The following KIF1B variants were observed in gnomAD, a reference collection of about 807,000 sequenced individuals.
KIF1B encodes the protein kinesin family member 1B.
A neutral mutation model predicts 241.9 loss-of-function variants in KIF1B; 76 were observed. That is an observed-to-expected ratio of 0.31 (90% CI 0.26 to 0.38). KIF1B has a LOEUF of 0.38. Among genes scored for constraint, KIF1B ranks in the 10% least tolerant of loss-of-function variants. The pLI, the probability that KIF1B is intolerant of heterozygous loss-of-function variation, is 1.00. For synonymous variants in KIF1B, 750 were observed against 796.7 expected (o/e 0.94, Z 0.99); for missense variants, 1,622 against 2,271.4 (o/e 0.71, Z 5.81).
chr1:10,376,834 A>AACACACACACACACAC lies in KIF1B; in HGVS notation c.*265_*280dup, dbSNP rs111663673. 4.5e-5 allele frequency: 20 copies of AACACACACACACACAC among 442,508 alleles called. No individual in the cohort carries two copies. The highest frequency in any genetic ancestry group is 4.1e-4 in the African/African-American group (20 of 48,804). The allele number at this position is 442,508 out of a possible 1,614,324, so 27.4% of individuals were successfully genotyped here. A position where few individuals can be genotyped will look rare whatever the true frequency, so the allele number is the denominator to read the frequency against. On this transcript the variant is annotated 3_prime_UTR_variant, in exon 49 of 49. Coordinates refer to ENST00000676179, the MANE Select transcript of KIF1B (RefSeq NM_001365951.3). ...CTAACAAAAGGAAAAAATGTTTTTA[A>AACACACACACACACAC]ACACACACACACACACACACACACA...
rs553339677 is a variant in KIF1B at position 10,212,929 on chromosome 1, T to C, written c.-80+2051T>C. Among the ~76,000 whole-genome samples, 513 of 80,792 alleles carry C rather than the reference T, an allele frequency of 6.3e-3. 4 individuals are homozygous for C. Among genetic ancestry groups the C allele is most frequent in the African/African-American group, 0.016 (189 of 12,140 alleles). 53.0% of individuals were successfully genotyped at this position (80,792 alleles called of 152,430 possible). A position where few individuals can be genotyped will look rare whatever the true frequency, so the allele number is the denominator to read the frequency against. ...ATATATATATATATATATATATATA[T>C]ATACACACACACATTTAAAAAATTT... On this transcript the variant is annotated intron_variant, in intron 1 of 48. Transcript: ENST00000676179.
intron 37 of KIF1B, 67 bp downstream of exon 37, chr1:10,348,800 G>C: frequency 8.6e-7 from 1 of 1,169,576 alleles, no homozygotes; most frequent in Non-Finnish European, 1.3e-6. Flanking sequence ...TTTTGAGATA[G>C]GGTCTTGCTC....
chr1:10,265,200 TTTTA>T (rs148747154), intron 5 of KIF1B, among the ~76,000 whole-genome samples: 32,131 of 138,162 alleles, frequency 0.23, 3,917 homozygotes, highest in African/African-American at 0.28. Flanking sequence ...TTAAAATGGA[TTTTA>T]TTTATTTATT....
At chr1:10,368,420 C>A in intron 43 of KIF1B, 47 bp from the exon 44 acceptor site, 1 of 1,532,920 alleles carries the variant, frequency 6.5e-7, no homozygotes, top group Non-Finnish European at 9.0e-7. Context: ...AGGCTCCTGG[C>A]TGTTGACATT....
chr1:10,274,908 T>C, intron 10 of KIF1B: 1 of 398,502 alleles, frequency 2.5e-6, no homozygotes, highest in Non-Finnish European at 4.9e-6. Context: ...GACCTTTTCC[T>C]TCACAGTAAG....
chr1:10,307,004 A>G (rs1650864085), intron 22 of KIF1B: 4 of 1,041,778 alleles, frequency 3.8e-6, no homozygotes, highest in Middle Eastern at 4.4e-4. Context: ...GGTAAGGACT[A>G]TGTCCACAGT....
chr1:10,346,216 G>A (rs1008250188), intron 35 of KIF1B, among the ~76,000 whole-genome samples: 11 of 152,026 alleles, frequency 7.2e-5, no homozygotes, highest in African/African-American at 2.2e-4. Context: ...ACACCTGGCC[G>A]AATTCCAGTT....
rs1024939469 is a variant in KIF1B at position 10,371,183 on chromosome 1, A to G, written c.4867A>G (p.Ser1623Gly). Residue 1623 changes from serine to glycine, a missense_variant, in exon 45 of 49, where the codon AGT becomes GGT. Physicochemically the swap from Ser to Gly is moderately conservative, Grantham distance 56. This residue lies in a region of KIF1B where 357 missense variants were observed against 409.0 expected (regional missense o/e 0.87). Coordinates refer to ENST00000676179, the MANE Select transcript of KIF1B (RefSeq NM_001365951.3). ...AATTGGACGGGATCCCTCTGAGTCC[A>G]GTTTCAGCAGTGCCACCCTCACTCC... ...SPIGRDPSES[S>G]FSSATLTPSS... 3 of 1,614,052 alleles carry G rather than the reference A, an allele frequency of 1.9e-6. No individual in the cohort carries two copies. In the African/African-American group the frequency reaches 4.0e-5, roughly 22 times the overall value.
At chr1:10,323,498 T>C (rs1179484073) in intron 24 of KIF1B, among the ~76,000 whole-genome samples, 3 of 152,110 alleles carry the variant, frequency 2.0e-5, no homozygotes, top group Non-Finnish European at 4.4e-5. Flanking sequence ...GATGCATGCC[T>C]GTAGTCCCAG....
chr1:10,255,190 A>G (rs1647704665), intron 2 of KIF1B, among the ~76,000 whole-genome samples: 1 of 151,966 alleles, frequency 6.6e-6, no homozygotes, highest in African/African-American at 2.4e-5. Context: ...CTCAAGTGAT[A>G]CACCTGCCTT....
At chr1:10,212,900 A>ATATATG (rs1646713626) in intron 1 of KIF1B, among the ~76,000 whole-genome samples, 1 of 84,932 alleles carries the variant, frequency 1.2e-5, no homozygotes, top group Non-Finnish European at 2.2e-5. Flanking sequence ...GTATATATAT[A>ATATATG]TATATATATA....
intron 14 of KIF1B, among the ~76,000 whole-genome samples, chr1:10,279,995 AC>A (rs1649325903): frequency 6.6e-6 from 1 of 151,852 alleles, no homozygotes; most frequent in Admixed American, 6.6e-5. Context: ...CAGCCACCAC[AC>A]CCAACCATTC....
rs1332277225 is a variant in KIF1B at position 10,365,643 on chromosome 1, A to G, written c.4747A>G (p.Thr1583Ala). The G allele has an allele frequency of 1.2e-6, 2 of 1,614,188 alleles. No individual in the cohort carries two copies. The highest frequency in any genetic ancestry group is 1.3e-5 in the African/African-American group (1 of 75,056). The change falls in exon 43 of 49, where the codon ACC becomes GCC. Residue 1583 changes from threonine (T) to alanine (A), a missense_variant. By Grantham distance (58) the Thr-to-Ala change is moderately conservative. Around this residue, in one of 7 missense-constraint regions of KIF1B, gnomAD observed 357 missense variants for 409.0 expected, o/e 0.87. Coordinates refer to ENST00000676179, the MANE Select transcript of KIF1B (RefSeq NM_001365951.3). The surrounding 1 kb of genome is among the most constrained non-coding windows in gnomAD (Gnocchi z 4.0). ...GGTGGACCGAGAGAAAGAGCTGGCT[A>G]CCAAGGTGTGAATCCCTTCCTCTTT... is the stretch of plus-strand genomic sequence containing the variant. ...SLVDREKELA[T>A]KCLQLLTHTF...
chr1:10,222,933 A>G (rs535275656), intron 1 of KIF1B, among the ~76,000 whole-genome samples: 18 of 152,316 alleles, frequency 1.2e-4, no homozygotes, highest in Admixed American at 9.2e-4. Context: ...ATTATTAAGA[A>G]ATGTTGTTTT....
chr1:10,288,978 C>T (rs2102243663), intron 15 of KIF1B, among the ~76,000 whole-genome samples: 1 of 151,780 alleles, frequency 6.6e-6, no homozygotes, highest in South Asian at 2.1e-4. Context: ...GTTTTGGGGT[C>T]ACAGGCTTCG....
intron 22 of KIF1B, among the ~76,000 whole-genome samples, chr1:10,302,378 A>G (rs1203095666): frequency 6.6e-6 from 1 of 152,242 alleles, no homozygotes; most frequent in South Asian, 2.1e-4. Flanking sequence ...TACATTTAAC[A>G]TGACAAAAAA....
intron 3 of KIF1B, among the ~76,000 whole-genome samples, chr1:10,257,072 T>C (rs1647830664): frequency 6.6e-6 from 1 of 151,832 alleles, no homozygotes; most frequent in Admixed American, 6.6e-5. Context: ...TTTGAGGGAA[T>C]GGCCAGCAAG....
At chr1:10,357,122 T>C (rs937260922) in intron 38 of KIF1B, among the ~76,000 whole-genome samples, 3 of 152,190 alleles carry the variant, frequency 2.0e-5, no homozygotes, top group Admixed American at 1.3e-4. Context: ...TCAAGTGATC[T>C]TCCCACTTTT....
At position 10,352,678 on chromosome 1, in the gene KIF1B, A is replaced by G. The variant is rs1199633894; in HGVS notation, c.3997A>G (p.Ile1333Val). The change falls in exon 38 of 49, where the codon ATC becomes GTC. Residue 1333 changes from isoleucine (I) to valine (V), a missense_variant. Transcript: ENST00000676179. ...PEVDEAAVDA[I>V]LSLNIISAKY... ...GGTGGATGAAGCTGCAGTTGATGCC[A>G]TCCTCTCCCTAAATATTATTTCTGC... is the stretch of plus-strand genomic sequence containing the variant. 6 of 1,613,966 alleles carry G rather than the reference A, an allele frequency of 3.7e-6. No homozygotes were observed. Among genetic ancestry groups the G allele is most frequent in the African/African-American group, 2.7e-5 (2 of 74,910 alleles).
Sources: gnomAD v4.1 joint callset for allele counts (sites outside exome capture counted in the v4.1 genomes callset) on GRCh38, gnomAD v4.1.1 for gene constraint, gnomAD v4.1.1 regional missense constraint, Gnocchi (gnomAD v3.1) non-coding constraint, MANE v1.5 for transcripts, NCBI Gene and HGNC (gene_info 2026-07-23, HGNC 2026-07-21) for gene names.